The following KPNA1 variants were observed in gnomAD, a reference collection of about 807,000 sequenced individuals.
KPNA1 encodes karyopherin subunit alpha 1, also known as importin subunit alpha-5.
KPNA1 carries 10 observed loss-of-function variants against 70.5 expected under a neutral mutation model. The ratio of observed to expected loss-of-function variants is 0.14; its 90% CI spans 0.09 to 0.24. KPNA1 has a LOEUF of 0.24. Among genes scored for constraint, KPNA1 ranks in the 10% least tolerant of loss-of-function variants. The pLI, the probability that KPNA1 is intolerant of heterozygous loss-of-function variation, is 1.00. For missense variants in KPNA1, 397 were observed against 637.9 expected (o/e 0.62, Z 4.07); for synonymous variants, 192 against 221.9 (o/e 0.87, Z 1.20).
chr3:122,469,740 A>G (rs1320691242), intron 2 of KPNA1, among the ~76,000 whole-genome samples: 1 of 152,212 alleles, frequency 6.6e-6, no homozygotes, highest in African/African-American at 2.4e-5. Flanking sequence ...ATCATTTTCA[A>G]ACAACAGAAA....
chr3:122,460,646 AAG>A, intron 5 of KPNA1: 4 of 707,822 alleles, frequency 5.7e-6, no homozygotes, highest in Non-Finnish European at 6.9e-6. Flanking sequence ...CAAGAAAAAG[AAG>A]AAAAAAAAAA....
At chr3:122,455,530 T>G (rs969060335) in intron 5 of KPNA1, among the ~76,000 whole-genome samples, 3 of 152,174 alleles carry the variant, frequency 2.0e-5, no homozygotes, top group Admixed American at 6.5e-5. Context: ...AATTAAAACT[T>G]GACATTTGTA....
chr3:122,460,316 G>C lies in KPNA1; in HGVS notation c.432+908C>G, dbSNP rs146790895. 6.0e-4 allele frequency: 593 copies of C among 985,090 alleles called. 4 individuals are homozygous for C. The African/African-American group carries it at 9.8e-3, about 16-fold the overall frequency. 61.0% of individuals were successfully genotyped at this position (985,090 alleles called of 1,614,324 possible). A position where few individuals can be genotyped will look rare whatever the true frequency, so the allele number is the denominator to read the frequency against. ...AGAATTTCTAGGATGAGAGTCAGCT[G>C]ACTGTTGGTTTCTTTTCTTATGAAA... On this transcript the variant is annotated intron_variant, in intron 5 of 13. Transcript: ENST00000344337.
chr3:122,478,726 TA>T (rs772969909), intron 2 of KPNA1, among the ~76,000 whole-genome samples: 1,219 of 113,710 alleles, frequency 0.011, 6 homozygotes, highest in Middle Eastern at 0.013. Flanking sequence ...AGGCTTCATC[TA>T]AAAAAAAAAA....
At chr3:122,435,431 C>A (rs2075972271) in intron 11 of KPNA1, among the ~76,000 whole-genome samples, 1 of 152,106 alleles carries the variant, frequency 6.6e-6, no homozygotes, top group Admixed American at 6.6e-5. Context: ...AAATGGGTAT[C>A]CAAAAATTCA....
chr3:122,451,042 A>G (rs575394279), intron 8 of KPNA1, among the ~76,000 whole-genome samples: 2 of 152,308 alleles, frequency 1.3e-5, no homozygotes, highest in African/African-American at 4.8e-5. Context: ...CACTGGGTAC[A>G]GCGTACACTG....
intron 2 of KPNA1, among the ~76,000 whole-genome samples, chr3:122,484,696 GAAGA>G (rs141960794): frequency 0.13 from 20,172 of 151,896 alleles, 1,400 homozygotes; most frequent in Middle Eastern, 0.27. Flanking sequence ...CAAAGGAAAG[GAAGA>G]AAGAAAGATG....
At chr3:122,460,713 T>C (rs1042664937) in intron 5 of KPNA1, 5 of 937,110 alleles carry the variant, frequency 5.3e-6, no homozygotes, top group Admixed American at 1.2e-4. Flanking sequence ...ATCCCTTATA[T>C]AGTACAGTAC....
intron 2 of KPNA1, among the ~76,000 whole-genome samples, chr3:122,469,217 A>G (rs2076414768): frequency 6.6e-6 from 1 of 152,180 alleles, no homozygotes; most frequent in South Asian, 2.1e-4. Flanking sequence ...GCCCACCAAG[A>G]GTTTTGCCTA....
At chr3:122,511,073 T>C (rs1250078747) in intron 1 of KPNA1, among the ~76,000 whole-genome samples, 1 of 152,176 alleles carries the variant, frequency 6.6e-6, no homozygotes, top group Non-Finnish European at 1.5e-5. Context: ...CCCAATCACC[T>C]TGCACACGTA....
Position 122,449,725 on chromosome 3 carries a change from G to C in KPNA1, c.766C>G (p.Leu256Val). ...AACAGCAACCAGGAAAGCACATTCA[G>C]ACATGGAGAAACCTGTAAAAGGAAA... ...PPEFAKVSPC[L>V]NVLSWLLFVS... The change falls in exon 9 of 14, where the codon CTG (leucine) becomes GTG (valine). Residue 256 changes from leucine (L) to valine (V), a missense_variant. Coordinates refer to ENST00000344337, the MANE Select transcript of KPNA1 (RefSeq NM_002264.4). The C allele has an allele frequency of 1.2e-6, 2 of 1,609,250 alleles. No homozygotes were observed. The highest frequency in any genetic ancestry group is 1.7e-6 in the Non-Finnish European group (2 of 1,178,668).
chr3:122,439,022 C>T (rs1434807309), intron 10 of KPNA1, among the ~76,000 whole-genome samples: 1 of 152,036 alleles, frequency 6.6e-6, no homozygotes, highest in African/African-American at 2.4e-5. Flanking sequence ...AAAATTATCT[C>T]CTAAGTAATG....
chr3:122,490,789 A>C (rs908941075), intron 2 of KPNA1, among the ~76,000 whole-genome samples: 2 of 152,182 alleles, frequency 1.3e-5, no homozygotes, highest in Admixed American at 1.3e-4. Context: ...ATTAAAGAAA[A>C]TATATCATAA....
intron 1 of KPNA1, among the ~76,000 whole-genome samples, chr3:122,505,274 C>CAAAAAAAAAAAA (rs376502610): frequency 1.0e-5 from 1 of 99,544 alleles, no homozygotes. Context: ...CTGCATGCCT[C>CAAAAAAAAAAAA]AAAAAAAAAA....
intron 11 of KPNA1, among the ~76,000 whole-genome samples, chr3:122,436,460 G>T (rs2075989700): frequency 6.6e-6 from 1 of 152,218 alleles, no homozygotes; most frequent in Non-Finnish European, 1.5e-5. Context: ...GGGCATCACG[G>T]AACGTGCCGA....
intron 2 of KPNA1, chr3:122,483,130 CA>C: frequency 6.4e-6 from 1 of 155,384 alleles, no homozygotes. Context: ...TCAGACAAAA[CA>C]AAAGTGAAAA....
intron 9 of KPNA1, chr3:122,443,250 GA>G: frequency 6.6e-6 from 1 of 152,566 alleles, no homozygotes; most frequent in Non-Finnish European, 1.5e-5. Context: ...CTGGCGGGGG[GA>G]GGGGCGTCTG....
chr3:122,509,763 G>C (rs150545558), intron 1 of KPNA1, among the ~76,000 whole-genome samples: 1 of 152,150 alleles, frequency 6.6e-6, no homozygotes, highest in East Asian at 1.9e-4. Flanking sequence ...GACCTTGTAC[G>C]ATCTGATGTG....
chr3:122,433,557 G>C, intron 12 of KPNA1, 104 bp downstream of exon 12: 2 of 907,836 alleles, frequency 2.2e-6, no homozygotes, highest in Non-Finnish European at 3.2e-6. Flanking sequence ...TCCCCTCAAA[G>C]GCAGCTAATC....
Sources: allele counts gnomAD v4.1 joint callset (sites outside exome capture counted in the v4.1 genomes callset), GRCh38; gene constraint gnomAD v4.1.1; transcripts MANE v1.5; gene names NCBI Gene and HGNC (gene_info 2026-07-23, HGNC 2026-07-21).